PCDH15: variants seen among roughly 807,000 people sequenced by gnomAD.
The protein encoded by PCDH15 is protocadherin-15.
A neutral mutation model predicts 178.5 loss-of-function variants in PCDH15; 129 were observed. The ratio of observed to expected loss-of-function variants is 0.72; its 90% CI spans 0.63 to 0.84. The LOEUF (loss-of-function observed/expected upper bound fraction) is 0.84. Ranked by LOEUF, PCDH15 falls within the 40% of genes least tolerant of loss-of-function variation. PCDH15 has a pLI of 0.00. For synonymous variants in PCDH15, 800 were observed against 732.0 expected (o/e 1.09, Z -1.50); for missense variants, 2,230 against 2,099.9 (o/e 1.06, Z -1.21).
At chr10:55,599,607 G>A (rs765137894) in intron 2 of PCDH15, 1 of 195,192 alleles carries the variant, frequency 5.1e-6, no homozygotes, top group Non-Finnish European at 1.0e-5. Flanking sequence ...CATTGCATAA[G>A]CTTACATCAG....
rs761587850 is a variant in PCDH15, at chr10:54,527,829, T to C, written c.140A>G (p.Asp47Gly). 2.5e-6 allele frequency: 4 copies of C among 1,611,056 alleles called. No individual in the cohort carries two copies. The highest frequency in any genetic ancestry group is 2.2e-5 in the South Asian group (2 of 90,650). Reference sequence around the variant, plus strand: ...TCACTTACCATTCCGACTTTCTTCATCAATAGCAACTATGGTAGCTGGTGG... The same window carrying C: ...TCACTTACCATTCCGACTTTCTTCACCAATAGCAACTATGGTAGCTGGTGG... ...GGPPATIVAI[D>G]EESRNGTILV... Residue 47 changes from aspartate (D) to glycine (G), a missense_variant, in exon 3 of 38, where the codon GAT becomes GGT. Physicochemically the swap from Asp to Gly is moderately conservative, Grantham distance 94. Coordinates refer to ENST00000644397, the MANE Select transcript of PCDH15 (RefSeq NM_001384140.1).
intron 2 of PCDH15, among the ~76,000 whole-genome samples, chr10:55,130,047 T>C (rs907448695): frequency 6.6e-5 from 10 of 152,188 alleles, no homozygotes; most frequent in African/African-American, 2.4e-4. Flanking sequence ...CTTTTTCAGC[T>C]GCTCAGGAGA....
At chr10:54,205,481 T>TTGTGTGGG (rs2050699598) in intron 10 of PCDH15, among the ~76,000 whole-genome samples, 2 of 135,088 alleles carry the variant, frequency 1.5e-5, no homozygotes, top group Admixed American at 7.7e-5. Flanking sequence ...TATATTTCCT[T>TTGTGTGGG]TGTGTGTGTG....
intron 3 of PCDH15, among the ~76,000 whole-genome samples, chr10:54,838,801 C>G (rs1260132905): frequency 6.6e-6 from 1 of 152,120 alleles, no homozygotes; most frequent in South Asian, 2.1e-4. Context: ...TGTAACTTGG[C>G]GCCAGCCCCT....
At chr10:54,427,971 CAAAACAACA>C (rs1956499229) in intron 3 of PCDH15, among the ~76,000 whole-genome samples, 1 of 152,102 alleles carries the variant, frequency 6.6e-6, no homozygotes, top group Admixed American at 6.6e-5. Flanking sequence ...AAAGTCATAA[CAAAACAACA>C]AAAACAACAA....
chr10:54,879,182 T>TTGTGTGTG (rs5785100), intron 3 of PCDH15, among the ~76,000 whole-genome samples: 99 of 149,128 alleles, frequency 6.6e-4, no homozygotes, highest in African/African-American at 2.1e-3. Context: ...CACGTGCTGT[T>TTGTGTGTG]TGTGTGTGTG....
intron 17 of PCDH15, among the ~76,000 whole-genome samples, chr10:54,068,369 G>A (rs1391288514): frequency 6.6e-6 from 1 of 151,898 alleles, no homozygotes; most frequent in Non-Finnish European, 1.5e-5. Context: ...ACACATTTTT[G>A]TATTTAAAGT....
chr10:55,138,007 T>G (rs1380023114), intron 2 of PCDH15, among the ~76,000 whole-genome samples: 2 of 152,150 alleles, frequency 1.3e-5, no homozygotes, highest in Non-Finnish European at 2.9e-5. Context: ...TTTATTATTT[T>G]TCTTCCCTGC....
At chr10:54,158,937 C>T (rs1176508542) in intron 13 of PCDH15, among the ~76,000 whole-genome samples, 1 of 151,990 alleles carries the variant, frequency 6.6e-6, no homozygotes, top group South Asian at 2.1e-4. Flanking sequence ...GAAACCCCAT[C>T]TCTACTAAAA....
intron 1 of PCDH15, among the ~76,000 whole-genome samples, chr10:54,740,874 G>C (rs1032766342): frequency 6.6e-6 from 1 of 151,882 alleles, no homozygotes; most frequent in African/African-American, 2.4e-5. Context: ...GGCAAGGGTA[G>C]GGTAGAGGAT....
chr10:55,309,142 TG>T (rs1329480715), intron 1 of PCDH15, among the ~76,000 whole-genome samples: 1 of 152,222 alleles, frequency 6.6e-6, no homozygotes, highest in Non-Finnish European at 1.5e-5. Flanking sequence ...TTACAATGGC[TG>T]CTCTTTTAGC....
intron 3 of PCDH15, among the ~76,000 whole-genome samples, chr10:54,823,225 ACG>A (rs34514503): frequency 0.2 from 19,968 of 99,986 alleles, 1,393 homozygotes; most frequent in South Asian, 0.25. Flanking sequence ...ACACACACAC[ACG>A]CACACGCACA....
intron 8 of PCDH15, among the ~76,000 whole-genome samples, chr10:54,266,005 T>C (rs2132389533): frequency 6.6e-6 from 1 of 151,936 alleles, no homozygotes; most frequent in African/African-American, 2.4e-5. Flanking sequence ...TGGAACATAC[T>C]CTAAGAGTGA....
intron 2 of PCDH15, among the ~76,000 whole-genome samples, chr10:55,333,693 T>A (rs1329157066): frequency 1.3e-5 from 2 of 152,074 alleles, no homozygotes; most frequent in Admixed American, 6.6e-5. Flanking sequence ...AGATTTGTCA[T>A]GATCTACTAA....
chr10:55,007,483 T>C (rs185143891), intron 2 of PCDH15, among the ~76,000 whole-genome samples: 8 of 152,274 alleles, frequency 5.3e-5, no homozygotes, highest in Admixed American at 5.2e-4. Context: ...TAAACTAATA[T>C]TGTCAAAATG....
At chr10:53,807,469 C>T (rs1379235487) in intron 37 of PCDH15, among the ~76,000 whole-genome samples, 1 of 152,122 alleles carries the variant, frequency 6.6e-6, no homozygotes, top group Non-Finnish European at 1.5e-5. Flanking sequence ...TTGACAGCTG[C>T]TCTACTATTC....
chr10:55,221,507 A>G (rs117407565), intron 1 of PCDH15, among the ~76,000 whole-genome samples: 8,867 of 152,166 alleles, frequency 0.058, 340 homozygotes, highest in Non-Finnish European at 0.09. Flanking sequence ...GGCTAGACAA[A>G]TAGAATCGTG....
intron 1 of PCDH15, among the ~76,000 whole-genome samples, chr10:54,728,340 G>C (rs772435751): frequency 6.6e-6 from 1 of 151,292 alleles, no homozygotes; most frequent in Admixed American, 6.6e-5. Flanking sequence ...ACCAAACCAC[G>C]TGATTATCTC....
chr10:53,863,091 G>A (rs1002410817), intron 27 of PCDH15, among the ~76,000 whole-genome samples: 4 of 152,098 alleles, frequency 2.6e-5, no homozygotes, highest in African/African-American at 4.8e-5. Context: ...AAAAATATTC[G>A]GGTGGAATTG....
Sources: allele counts gnomAD v4.1 joint callset (sites outside exome capture counted in the v4.1 genomes callset), GRCh38; gene constraint gnomAD v4.1.1; transcripts MANE v1.5; gene names NCBI Gene and HGNC (gene_info 2026-07-23, HGNC 2026-07-21).